Variants in PTPRD observed in about 807,000 individuals in gnomAD.
PTPRD encodes the protein protein tyrosine phosphatase receptor type D.
Under a neutral mutation model 214.5 loss-of-function variants are expected in PTPRD, and 34 were observed. The ratio of observed to expected loss-of-function variants is 0.16; its 90% confidence interval spans 0.12 to 0.21. PTPRD has a LOEUF of 0.21. Ranked by LOEUF, PTPRD falls within the 10% of genes least tolerant of loss-of-function variation. The pLI is 1.00. For synonymous variants in PTPRD, 1,128 were observed against 845.7 expected (o/e 1.33, Z -5.79); for missense variants, 2,545 against 2,398.7 (o/e 1.06, Z -1.27).
intron 2 of PTPRD, among the ~76,000 whole-genome samples, chr9:10,566,000 GGTT>G: frequency 6.6e-6 from 1 of 151,902 alleles, no homozygotes; most frequent in East Asian, 1.9e-4. Flanking sequence ...TATGGTATAA[GGTT>G]GTCTATTTTT....
At chr9:9,621,245 A>T (rs1178384164) in intron 7 of PTPRD, among the ~76,000 whole-genome samples, 2 of 152,198 alleles carry the variant, frequency 1.3e-5, no homozygotes, top group Non-Finnish European at 2.9e-5. Flanking sequence ...ATTATCTAAC[A>T]GTGGATATTA....
chr9:8,662,433 C>T (rs2097080639), intron 12 of PTPRD, among the ~76,000 whole-genome samples: 1 of 152,184 alleles, frequency 6.6e-6, no homozygotes, highest in South Asian at 2.1e-4. Flanking sequence ...TGGTTATGTT[C>T]ATGGTATGGT....
chr9:9,000,188 G>C (rs1480229588), intron 11 of PTPRD, among the ~76,000 whole-genome samples: 2 of 152,026 alleles, frequency 1.3e-5, no homozygotes, highest in African/African-American at 4.8e-5. Context: ...GCTGCATGTG[G>C]AGCTGCGTTC....
intron 3 of PTPRD, among the ~76,000 whole-genome samples, chr9:10,140,266 G>A (rs2098974446): frequency 6.6e-6 from 1 of 151,576 alleles, no homozygotes; most frequent in African/African-American, 2.4e-5. Context: ...TGAAAAAGTG[G>A]AGAAAGGACA....
At chr9:10,570,337 G>A (rs192758135) in intron 2 of PTPRD, among the ~76,000 whole-genome samples, 1 of 152,184 alleles carries the variant, frequency 6.6e-6, no homozygotes, top group African/African-American at 2.4e-5. Flanking sequence ...CAAGAAAGTG[G>A]CCCAAAGGTC....
intron 5 of PTPRD, among the ~76,000 whole-genome samples, chr9:9,910,106 T>A (rs953946983): frequency 6.6e-6 from 1 of 151,954 alleles, no homozygotes; most frequent in African/African-American, 2.4e-5. Context: ...AGTTTGTACC[T>A]CAGCTTTCAT....
intron 14 of PTPRD, among the ~76,000 whole-genome samples, chr9:8,631,886 G>A (rs923860638): frequency 1.3e-5 from 2 of 151,672 alleles, no homozygotes; most frequent in Non-Finnish European, 2.9e-5. Context: ...ATTTCTATGT[G>A]TTGGTCAGGG....
At chr9:8,676,335 A>T (rs192498852) in intron 12 of PTPRD, among the ~76,000 whole-genome samples, 216 of 148,266 alleles carry the variant, frequency 1.5e-3, no homozygotes, top group Admixed American at 3.5e-3. Flanking sequence ...TTTCTCATCT[A>T]TCACACCCAC....
chr9:9,766,471 C>A (rs1449724327), intron 6 of PTPRD, among the ~76,000 whole-genome samples: 1 of 152,106 alleles, frequency 6.6e-6, no homozygotes, highest in Non-Finnish European at 1.5e-5. Context: ...TACATATGTC[C>A]TATTTCAATA....
At chr9:9,875,721 A>G (rs2066658852) in intron 5 of PTPRD, among the ~76,000 whole-genome samples, 1 of 152,196 alleles carries the variant, frequency 6.6e-6, no homozygotes. Flanking sequence ...AACTAAAAGC[A>G]GAGTATTTGG....
At chr9:8,517,782 T>G in intron 21 of PTPRD, 66 bp downstream of exon 21, 1 of 1,357,802 alleles carries the variant, frequency 7.4e-7, no homozygotes, top group Non-Finnish European at 1.0e-6. Flanking sequence ...TCTTTGTTTT[T>G]GTCCTTCTCA....
At chr9:9,384,343 CTTTTTTTTTTTTTTTTTTTTTTTTT>C (rs869246078) in intron 9 of PTPRD, among the ~76,000 whole-genome samples, 20 of 33,318 alleles carry the variant, frequency 6.0e-4, no homozygotes, top group African/African-American at 1.2e-3. Flanking sequence ...GAAGACTAGG[CTTTTTTTTTTTTTTTTTTTTTTTTT>C]TTTTTTTTTT....
intron 3 of PTPRD, among the ~76,000 whole-genome samples, chr9:10,087,729 G>A (rs1178709980): frequency 6.6e-6 from 1 of 151,690 alleles, no homozygotes; most frequent in Non-Finnish European, 1.5e-5. Context: ...AATAGAATAT[G>A]AGTGCTTAAT....
At chr9:9,679,265 C>T (rs1198252367) in intron 7 of PTPRD, among the ~76,000 whole-genome samples, 3 of 151,646 alleles carry the variant, frequency 2.0e-5, no homozygotes, top group Non-Finnish European at 4.4e-5. Context: ...ACTCCCTTCA[C>T]ACACAAGCGC....
chr9:9,805,934 G>A (rs1379893301), intron 5 of PTPRD, among the ~76,000 whole-genome samples: 2 of 152,092 alleles, frequency 1.3e-5, no homozygotes, highest in African/African-American at 2.4e-5. Context: ...AACATAAAGT[G>A]AACCAAATTA....
intron 14 of PTPRD, among the ~76,000 whole-genome samples, chr9:8,557,461 G>A (rs530118591): frequency 9.1e-6 from 1 of 109,822 alleles, no homozygotes; most frequent in Non-Finnish European, 1.6e-5. Flanking sequence ...TATATATTTG[G>A]GCCGGGCGCG....
chr9:9,584,837 C>T (rs2091641052), intron 7 of PTPRD, among the ~76,000 whole-genome samples: 1 of 151,872 alleles, frequency 6.6e-6, no homozygotes, highest in Non-Finnish European at 1.5e-5. Flanking sequence ...TGCCCTTGAC[C>T]ATCCTGAGTC....
At chr9:9,860,092 A>G (rs1222812947) in intron 5 of PTPRD, among the ~76,000 whole-genome samples, 1 of 152,242 alleles carries the variant, frequency 6.6e-6, no homozygotes, top group African/African-American at 2.4e-5. Flanking sequence ...AGTAAAATTC[A>G]CATGGCCATG....
Position 10,199,626 on chromosome 9 carries a change from C to A in PTPRD, c.-545+141337G>T, listed in dbSNP as rs994345875. Among the ~76,000 whole-genome samples the A allele has an allele frequency of 4.6e-5, 7 of 152,052 alleles. No individual in the cohort carries two copies. The East Asian group carries it at 1.4e-3, about 29-fold the overall frequency. On this transcript the variant is annotated intron_variant, in intron 3 of 45. Coordinates refer to ENST00000381196, the MANE Select transcript of PTPRD (RefSeq NM_002839.4). ...AGGAAGTTAAATATTATATTATTCTCATTTCTCAGATGTGGATAATATAAT... is the reference window on the plus strand; with the variant it reads ...AGGAAGTTAAATATTATATTATTCTAATTTCTCAGATGTGGATAATATAAT...
Sources: gnomAD v4.1 joint callset for allele counts (sites outside exome capture counted in the v4.1 genomes callset) on GRCh38, gnomAD v4.1.1 for gene constraint, MANE v1.5 for transcripts, NCBI Gene and HGNC (gene_info 2026-07-23, HGNC 2026-07-21) for gene names.